Variants in MARK1 observed in about 807,000 individuals in gnomAD.
The protein encoded by MARK1 is serine/threonine-protein kinase MARK1.
Under a neutral mutation model 96.3 loss-of-function variants are expected in MARK1, and 40 were observed. The ratio of observed to expected loss-of-function variants is 0.42; its 90% CI spans 0.32 to 0.54. The LOEUF is 0.54. MARK1 is among the 20% of genes least tolerant of loss of function. The pLI is 0.16. For synonymous variants in MARK1, 317 were observed against 341.2 expected (o/e 0.93, Z 0.78); for missense variants, 719 against 984.6 (o/e 0.73, Z 3.61).
At chr1:220,563,339 A>G (rs777092120) in intron 1 of MARK1, among the ~76,000 whole-genome samples, 1 of 152,202 alleles carries the variant, frequency 6.6e-6, no homozygotes, top group Non-Finnish European at 1.5e-5. Flanking sequence ...ATAATGGCTA[A>G]CATTTATTGA....
intron 1 of MARK1, among the ~76,000 whole-genome samples, chr1:220,558,982 A>G (rs1156738782): frequency 6.6e-6 from 1 of 152,208 alleles, no homozygotes; most frequent in African/African-American, 2.4e-5. Flanking sequence ...AGTGTTAGAG[A>G]ACTAAATAGG....
At position 220,654,760 on chromosome 1, in the gene MARK1, T is replaced by C. The variant is rs1669075004; in HGVS notation, c.1988+1408T>C. ...GAATTAATTTTAAAGTGAAGAAAAA[T>C]AGGTTTATAGTTTAGTGCTTGATTA... On this transcript the variant is annotated intron_variant, in intron 16 of 17. Coordinates refer to ENST00000366917, the MANE Select transcript of MARK1 (RefSeq NM_018650.5). This position sits in a 1 kb window ranked among gnomAD's most constrained non-coding sequence, Gnocchi z 4.0. 6.6e-6 allele frequency among the ~76,000 whole-genome samples: 1 copy of C among 152,170 alleles called. No individual in the cohort carries two copies. The highest frequency in any genetic ancestry group is 2.1e-4 in the South Asian group (1 of 4,826).
At chr1:220,606,461 C>G (rs1214952887) in intron 6 of MARK1, among the ~76,000 whole-genome samples, 2 of 152,064 alleles carry the variant, frequency 1.3e-5, no homozygotes, top group Non-Finnish European at 2.9e-5. Flanking sequence ...AACTTTTCTC[C>G]CATTCTGTAG....
intron 9 of MARK1, among the ~76,000 whole-genome samples, chr1:220,630,815 G>A (rs1209971491): frequency 1.3e-5 from 2 of 152,164 alleles, no homozygotes; most frequent in African/African-American, 4.8e-5. Context: ...AGAGAGGCAT[G>A]CTATTTTGAA....
intron 11 of MARK1, among the ~76,000 whole-genome samples, chr1:220,632,742 T>C (rs1572206922): frequency 6.6e-6 from 1 of 152,176 alleles, no homozygotes; most frequent in African/African-American, 2.4e-5. Flanking sequence ...TATTTGATGA[T>C]ATTTTGCCTT....
Position 220,528,172 on chromosome 1 carries a change from G to A in MARK1, c.-651G>A, listed in dbSNP as rs1660032877. ...GCCGCCAAGTGCCTCTGGGCGCTGCGTGCCGCGCCCGCTGCTCCGCGCGCA... is the reference window on the plus strand; with the variant it reads ...GCCGCCAAGTGCCTCTGGGCGCTGCATGCCGCGCCCGCTGCTCCGCGCGCA... On this transcript the variant is annotated 5_prime_UTR_variant, in exon 1 of 18. In the 5' UTR this introduces an upstream ATG that the reference lacks. Transcript: ENST00000366917. 1 of 150,382 alleles carries A rather than the reference G, an allele frequency of 6.6e-6. No homozygotes were observed. The highest frequency in any genetic ancestry group is 1.5e-5 in the Non-Finnish European group (1 of 67,430). The allele number at this position is 150,382 out of a possible 1,614,324, so 9.3% of individuals were successfully genotyped here. A position where few individuals can be genotyped will look rare whatever the true frequency, so the allele number is the denominator to read the frequency against.
intron 5 of MARK1, among the ~76,000 whole-genome samples, chr1:220,600,629 TAAAG>T (rs1665674014): frequency 2.6e-5 from 4 of 152,068 alleles, no homozygotes; most frequent in African/African-American, 9.7e-5. Flanking sequence ...TAAGTAAAAA[TAAAG>T]AATACTTAAA....
intron 3 of MARK1, among the ~76,000 whole-genome samples, chr1:220,597,946 G>A (rs747969555): frequency 3.3e-5 from 5 of 152,134 alleles, no homozygotes; most frequent in East Asian, 1.9e-4. Context: ...CCTAAGGAAG[G>A]TGGTTTCTGG....
At chr1:220,626,892 G>T in intron 9 of MARK1, 1 of 490,520 alleles carries the variant, frequency 2.0e-6, no homozygotes. Context: ...ACCTGCCTAT[G>T]CTGATGCTGG....
chr1:220,630,983 A>C (rs756842435), intron 9 of MARK1, 52 bp from the exon 10 acceptor site: 57 of 1,225,906 alleles, frequency 4.6e-5, no homozygotes, highest in Non-Finnish European at 6.7e-5. Flanking sequence ...GAGCTATAAT[A>C]AGTGGCTGAA....
chr1:220,551,534 A>G (rs1661852255), intron 1 of MARK1, among the ~76,000 whole-genome samples: 1 of 152,172 alleles, frequency 6.6e-6, no homozygotes, highest in Admixed American at 6.5e-5. Context: ...AGCAGAATTA[A>G]TCTTTAGCCT....
At chr1:220,583,751 C>T (rs931514584) in intron 3 of MARK1, among the ~76,000 whole-genome samples, 5 of 150,098 alleles carry the variant, frequency 3.3e-5, no homozygotes, top group African/African-American at 9.8e-5. Flanking sequence ...CAGGCTCAAG[C>T]GATTCTCCTG....
In MARK1 at chr1:220,622,391, T is replaced by C. The variant is rs374746022; in HGVS notation, c.909+3636T>C. On this transcript the variant is annotated intron_variant, in intron 9 of 17. Transcript: ENST00000366917. ...CCATAAAAGTGTTTATTTTGACTTT[T>C]GATACTTAATTTTTCAGGTGTTACT... 2.0e-5 allele frequency among the ~76,000 whole-genome samples: 3 copies of C among 152,354 alleles called. No individual in the cohort carries two copies. In the East Asian group the frequency reaches 5.8e-4, roughly 29 times the overall value.
At chr1:220,587,210 T>C (rs1664680815) in intron 3 of MARK1, among the ~76,000 whole-genome samples, 1 of 152,140 alleles carries the variant, frequency 6.6e-6, no homozygotes, top group Non-Finnish European at 1.5e-5. Flanking sequence ...GATTTTTTCA[T>C]TTAACATTGT....
intron 1 of MARK1, among the ~76,000 whole-genome samples, chr1:220,560,189 G>A (rs191592400): frequency 3.9e-5 from 6 of 152,152 alleles, no homozygotes; most frequent in East Asian, 1.9e-4. Context: ...CCCATGATTC[G>A]TTTATCTCCC....
intron 17 of MARK1, among the ~76,000 whole-genome samples, chr1:220,658,859 GT>G (rs1669317566): frequency 1.3e-5 from 2 of 152,188 alleles, no homozygotes; most frequent in Admixed American, 1.3e-4. Context: ...AGTCACCACA[GT>G]AGGGAGCCAC....
At chr1:220,594,169 T>C (rs1572143474) in intron 3 of MARK1, among the ~76,000 whole-genome samples, 1 of 152,322 alleles carries the variant, frequency 6.6e-6, no homozygotes, top group East Asian at 1.9e-4. Flanking sequence ...AAAAATTGGC[T>C]TGAAAAGGCT....
At chr1:220,624,386 G>A (rs186830442) in intron 9 of MARK1, among the ~76,000 whole-genome samples, 50 of 151,600 alleles carry the variant, frequency 3.3e-4, no homozygotes, top group Non-Finnish European at 6.5e-4. Flanking sequence ...GATCACCTGA[G>A]GTTGGGAGTT....
intron 1 of MARK1, among the ~76,000 whole-genome samples, chr1:220,576,342 A>G (rs1421876964): frequency 6.6e-6 from 1 of 151,752 alleles, no homozygotes; most frequent in African/African-American, 2.4e-5. Flanking sequence ...GATGGCAGAC[A>G]GCAAGTTGAG....
Sources: gnomAD v4.1 joint callset for allele counts (sites outside exome capture counted in the v4.1 genomes callset) on GRCh38, gnomAD v4.1.1 for gene constraint, Gnocchi (gnomAD v3.1) non-coding constraint, MANE v1.5 for transcripts, NCBI Gene and HGNC (gene_info 2026-07-23, HGNC 2026-07-21) for gene names.